The following KIF4A variants were observed in gnomAD, a reference collection of about 807,000 sequenced individuals.
KIF4A encodes kinesin family member 4A.
Under a neutral mutation model 105.9 loss-of-function variants are expected in KIF4A, and 7 were observed. That is an observed-to-expected ratio of 0.07 (90% CI 0.04 to 0.12). The LOEUF (loss-of-function observed/expected upper bound fraction) is 0.12. Among genes scored for constraint, KIF4A ranks in the 10% least tolerant of loss-of-function variants. KIF4A has a pLI of 1.00. For synonymous variants in KIF4A, 281 were observed against 331.3 expected (o/e 0.85, Z 1.65); for missense variants, 558 against 929.2 (o/e 0.60, Z 5.19).
In KIF4A at chrX:70,367,746, G is replaced by A. The variant is rs377005790; in HGVS notation, c.1675-6405G>A. ...TATTTGTCTTGGAGTTGCTTTTCTC[G>A]AGGAGTATCTTTGTGGCGTTCTCTG... is the stretch of plus-strand genomic sequence containing the variant. On this transcript the variant is annotated intron_variant, in intron 15 of 30. Coordinates refer to ENST00000374403, the MANE Select transcript of KIF4A (RefSeq NM_012310.5). Among the ~76,000 whole-genome samples the A allele has an allele frequency of 6.3e-5, 7 of 110,841 alleles. No homozygotes were observed. The South Asian group carries it at 1.6e-3, about 25-fold the overall frequency.
At chrX:70,371,744 G>A (rs1187812942) in intron 15 of KIF4A, among the ~76,000 whole-genome samples, 16 of 107,536 alleles carry the variant, frequency 1.5e-4, no homozygotes, top group Non-Finnish European at 2.5e-4. Flanking sequence ...GCTGCTGGGC[G>A]GAGACGCTCC....
chrX:70,349,556 C>T (rs2086015616), intron 13 of KIF4A, among the ~76,000 whole-genome samples: 1 of 96,856 alleles, frequency 1.0e-5, no homozygotes, highest in Non-Finnish European at 2.1e-5. Flanking sequence ...GGCAGAGGCA[C>T]TCCTCAGTTC....
At chrX:70,359,528 G>A (rs1338321499) in intron 15 of KIF4A, among the ~76,000 whole-genome samples, 1 of 105,133 alleles carries the variant, frequency 9.5e-6, no homozygotes, top group Non-Finnish European at 1.9e-5. Flanking sequence ...AAAAAAAGCT[G>A]AACATAAGTA....
chrX:70,311,858 G>A (rs1460934194), intron 7 of KIF4A, among the ~76,000 whole-genome samples: 1 of 108,214 alleles, frequency 9.2e-6, no homozygotes, highest in Non-Finnish European at 1.9e-5. Flanking sequence ...CCTAGCTGAG[G>A]CAGGAGGATG....
At chrX:70,408,187 G>A (rs1228796072) in intron 28 of KIF4A, among the ~76,000 whole-genome samples, 3 of 111,527 alleles carry the variant, frequency 2.7e-5, no homozygotes, top group Non-Finnish European at 5.6e-5. Flanking sequence ...GTCAGGACTT[G>A]AAACCAAATA....
intron 7 of KIF4A, among the ~76,000 whole-genome samples, chrX:70,319,384 G>GA (rs997501195): frequency 2.7e-5 from 3 of 111,629 alleles, no homozygotes; most frequent in African/African-American, 9.8e-5. Context: ...AATCCACCTA[G>GA]AACTGTTTTT....
chrX:70,381,769 C>T (rs2086198231), intron 18 of KIF4A, among the ~76,000 whole-genome samples: 1 of 111,594 alleles, frequency 9.0e-6, no homozygotes, highest in Non-Finnish European at 1.9e-5. Context: ...CTTACAGATG[C>T]AACACAATCC....
At chrX:70,373,266 T>C (rs1174625430) in intron 15 of KIF4A, among the ~76,000 whole-genome samples, 1 of 91,862 alleles carries the variant, frequency 1.1e-5, no homozygotes, top group Non-Finnish European at 2.1e-5. Flanking sequence ...TGAGACTCTG[T>C]CTCAAAAGAA....
At chrX:70,293,859 T>A (rs1239451852) in intron 3 of KIF4A, among the ~76,000 whole-genome samples, 1 of 112,325 alleles carries the variant, frequency 8.9e-6, no homozygotes, top group Non-Finnish European at 1.9e-5. Context: ...TGTAAGGGCC[T>A]AAAACATTAT....
chrX:70,333,320 CAAAA>C (rs1196392295), intron 9 of KIF4A, among the ~76,000 whole-genome samples: 1 of 47,731 alleles, frequency 2.1e-5, no homozygotes, highest in African/African-American at 8.1e-5. Context: ...ACTCTGTCTC[CAAAA>C]AAAAAAAAAA....
At chrX:70,398,583 T>C (rs1220432178) in intron 22 of KIF4A, among the ~76,000 whole-genome samples, 1 of 112,134 alleles carries the variant, frequency 8.9e-6, no homozygotes, top group Non-Finnish European at 1.9e-5. Context: ...GTGCCCCACC[T>C]CTTCCAGAAG....
chrX:70,367,538 G>C (rs2086109880), intron 15 of KIF4A, among the ~76,000 whole-genome samples: 1 of 111,606 alleles, frequency 9.0e-6, no homozygotes, highest in African/African-American at 3.3e-5. Context: ...ATGAAATTCT[G>C]GGTTGAAAAT....
At chrX:70,359,453 C>CTCTT (rs1374518799) in intron 15 of KIF4A, among the ~76,000 whole-genome samples, 1 of 108,116 alleles carries the variant, frequency 9.2e-6, no homozygotes, top group Non-Finnish European at 1.9e-5. Flanking sequence ...CTCTCTCTCT[C>CTCTT]TCTTTCTTTC....
intron 3 of KIF4A, among the ~76,000 whole-genome samples, chrX:70,293,055 A>G (rs1347397715): frequency 8.9e-6 from 1 of 112,075 alleles, no homozygotes; most frequent in Non-Finnish European, 1.9e-5. Context: ...CTATCTGCAC[A>G]TATCTGTGGT....
intron 3 of KIF4A, among the ~76,000 whole-genome samples, chrX:70,294,936 T>C (rs1416201038): frequency 9.0e-6 from 1 of 111,419 alleles, no homozygotes; most frequent in Non-Finnish European, 1.9e-5. Context: ...TAGCTGGGCA[T>C]AGTGGCGCGT....
chrX:70,381,092 T>C (rs1405180539), intron 18 of KIF4A, among the ~76,000 whole-genome samples: 1 of 111,648 alleles, frequency 9.0e-6, no homozygotes, highest in Non-Finnish European at 1.9e-5. Context: ...GAGGTTTCAG[T>C]GAGCTGAGAT....
At chrX:70,355,100 C>T (rs774399631) in intron 15 of KIF4A, among the ~76,000 whole-genome samples, 1 of 111,714 alleles carries the variant, frequency 9.0e-6, no homozygotes, top group African/African-American at 3.3e-5. Flanking sequence ...CCCAGGACTT[C>T]CACCCCTGCC....
rs776185651 is a variant in KIF4A, at chrX:70,394,024, C to T, written c.2233-1647C>T. On this transcript the variant is annotated intron_variant, in intron 20 of 30. Transcript: ENST00000374403. ...CAGATTACAGGCACATGCCACTACG[C>T]CTGGCTAATTTTTGTATTTTTTGTA... is the stretch of plus-strand genomic sequence containing the variant. 1.5e-3 allele frequency among the ~76,000 whole-genome samples: 161 copies of T among 108,430 alleles called. 1 individual carries two copies. The highest frequency in any genetic ancestry group is 5.2e-3 in the African/African-American group (156 of 29,738). The allele number at this position is 108,430 out of a possible 115,157, so 94.2% of individuals were successfully genotyped here.
chrX:70,371,493 T>C (rs1354285956), intron 15 of KIF4A, among the ~76,000 whole-genome samples: 1 of 112,100 alleles, frequency 8.9e-6, no homozygotes, highest in Non-Finnish European at 1.9e-5. Flanking sequence ...CTGTTGGGTA[T>C]ACCTCCCAGA....
Sources: gnomAD v4.1 joint callset for allele counts (sites outside exome capture counted in the v4.1 genomes callset) on GRCh38, gnomAD v4.1.1 for gene constraint, MANE v1.5 for transcripts, NCBI Gene and HGNC (gene_info 2026-07-23, HGNC 2026-07-21) for gene names.